SPHKAP: variants seen among roughly 807,000 people sequenced by gnomAD.
SPHKAP encodes the protein A-kinase anchor protein SPHKAP.
Under a neutral mutation model 137.5 loss-of-function variants are expected in SPHKAP, and 67 were observed. The ratio of observed to expected loss-of-function variants is 0.49; its 90% CI spans 0.40 to 0.60. The LOEUF is 0.60. Ranked by LOEUF, SPHKAP falls within the 20% of genes least tolerant of loss-of-function variation. The pLI is 0.00. For synonymous variants in SPHKAP, 813 were observed against 785.3 expected (o/e 1.04, Z -0.59); for missense variants, 2,097 against 2,069.3 (o/e 1.01, Z -0.26).
In SPHKAP at chr2:227,981,614, AATGTG is replaced by A. The variant is rs1326699764; in HGVS notation, c.*98_*102del. ...GCAGATTTTTTTTTATAGTTCTGCT[AATGTG>A]ATGTGATGTTTTGAGAATGTTTAGA... On this transcript the variant is annotated 3_prime_UTR_variant, in exon 12 of 12. Coordinates refer to ENST00000392056, the MANE Select transcript of SPHKAP (RefSeq NM_001142644.2). The A allele has an allele frequency of 9.8e-6, 14 of 1,427,082 alleles. No homozygotes were observed. The East Asian group carries it at 1.7e-4, about 17-fold the overall frequency. 88.4% of individuals were successfully genotyped at this position (1,427,082 alleles called of 1,614,324 possible).
At chr2:228,064,100 T>G (rs1423277628) in intron 3 of SPHKAP, among the ~76,000 whole-genome samples, 1 of 152,116 alleles carries the variant, frequency 6.6e-6, no homozygotes, top group Non-Finnish European at 1.5e-5. Context: ...AGAGATTACT[T>G]AAAGTCAGAA....
chr2:228,020,323 TC>T, intron 6 of SPHKAP, 167 bp from the exon 7 acceptor site: 1 of 441,766 alleles, frequency 2.3e-6, no homozygotes, highest in Non-Finnish European at 3.0e-6. Flanking sequence ...AACCCAAATG[TC>T]CATCAATGAT....
intron 1 of SPHKAP, among the ~76,000 whole-genome samples, chr2:228,145,217 T>C (rs1699740628): frequency 6.6e-6 from 1 of 152,194 alleles, no homozygotes; most frequent in African/African-American, 2.4e-5. Flanking sequence ...AAAGGAATGC[T>C]CTTAAAAGCA....
chr2:228,020,109 G>A lies in SPHKAP; in HGVS notation c.745C>T (p.Leu249=). 7 of 1,612,094 alleles carry A rather than the reference G, an allele frequency of 4.3e-6. No individual in the cohort carries two copies. Among genetic ancestry groups the A allele is most frequent in the Non-Finnish European group, 5.1e-6 (6 of 1,179,538 alleles). ...CATTCCACCTGGGTGGCTCCCTTTA[G>A]CTGTTTACTTTCCAAAACATTGGCT... is the stretch of plus-strand genomic sequence containing the variant. ...VSANVLESKQ[L]KGATQVEWNC... The change falls in exon 7 of 12, where the codon CTA becomes TTA. Residue 249 remains leucine (L), a synonymous_variant. Transcript: ENST00000392056.
chr2:228,073,837 C>T (rs1167576332), intron 3 of SPHKAP, among the ~76,000 whole-genome samples: 1 of 151,762 alleles, frequency 6.6e-6, no homozygotes, highest in East Asian at 1.9e-4. Flanking sequence ...GATTATGTTA[C>T]ATTTACTTCT....
At chr2:228,035,107 G>C (rs13397092) in intron 3 of SPHKAP, among the ~76,000 whole-genome samples, 53,395 of 144,522 alleles carry the variant, frequency 0.37, 10,024 homozygotes, top group Middle Eastern at 0.49. Flanking sequence ...GTTTGCAGAT[G>C]ACATGATTGT....
chr2:228,103,519 G>A (rs563419122), intron 3 of SPHKAP, among the ~76,000 whole-genome samples: 14 of 152,330 alleles, frequency 9.2e-5, no homozygotes, highest in East Asian at 5.8e-4. Context: ...CTCTCAGAGC[G>A]TGGTACTGGC....
At chr2:227,982,123 TC>T in intron 11 of SPHKAP, 2 of 985,184 alleles carry the variant, frequency 2.0e-6, no homozygotes, top group Non-Finnish European at 2.4e-6. Context: ...TGAGACTAAT[TC>T]TTTTTTTTTT....
At chr2:228,138,296 C>T (rs1025698241) in intron 1 of SPHKAP, among the ~76,000 whole-genome samples, 2 of 152,174 alleles carry the variant, frequency 1.3e-5, no homozygotes, top group African/African-American at 2.4e-5. Context: ...AATTTCCACT[C>T]GTCCTTGCTG....
Position 228,036,848 on chromosome 2 carries a change from A to C in SPHKAP, c.247-9305T>G, listed in dbSNP as rs1308497628. On this transcript the variant is annotated intron_variant, in intron 3 of 11. Coordinates refer to ENST00000392056, the MANE Select transcript of SPHKAP (RefSeq NM_001142644.2). ...AATTGAACCATGAGAACACATGGGC[A>C]CAGGAAGGGGAACATCACACTCTGG... Among the ~76,000 whole-genome samples the C allele has an allele frequency of 2.6e-5, 4 of 152,000 alleles. No individual in the cohort carries two copies. In the East Asian group the frequency reaches 7.8e-4, roughly 30 times the overall value.
At chr2:228,142,256 C>T (rs1000524515) in intron 1 of SPHKAP, among the ~76,000 whole-genome samples, 1 of 149,836 alleles carries the variant, frequency 6.7e-6, no homozygotes, top group Non-Finnish European at 1.5e-5. Context: ...GCAGAGTGTA[C>T]ATTTTAAGAA....
At chr2:228,138,800 C>G (rs1478792193) in intron 1 of SPHKAP, among the ~76,000 whole-genome samples, 1 of 152,096 alleles carries the variant, frequency 6.6e-6, no homozygotes, top group East Asian at 1.9e-4. Flanking sequence ...CAAGAAAACC[C>G]CTTATAGTTC....
At chr2:228,031,774 G>C (rs897153873) in intron 3 of SPHKAP, among the ~76,000 whole-genome samples, 2 of 152,272 alleles carry the variant, frequency 1.3e-5, no homozygotes, top group African/African-American at 2.4e-5. Flanking sequence ...AGACAAACAT[G>C]GTCTGGAATG....
intron 1 of SPHKAP, among the ~76,000 whole-genome samples, chr2:228,152,995 C>G (rs1028315711): frequency 6.6e-6 from 1 of 152,126 alleles, no homozygotes; most frequent in African/African-American, 2.4e-5. Context: ...TTAAGTCTCA[C>G]GAGAGCTGAT....
At chr2:228,120,319 A>G (rs1698865895) in intron 2 of SPHKAP, among the ~76,000 whole-genome samples, 1 of 152,168 alleles carries the variant, frequency 6.6e-6, no homozygotes, top group Admixed American at 6.6e-5. Context: ...TTTTTGCAAT[A>G]TATACCTGGT....
At chr2:228,115,609 C>G (rs1349530717) in intron 2 of SPHKAP, among the ~76,000 whole-genome samples, 3 of 152,132 alleles carry the variant, frequency 2.0e-5, no homozygotes, top group Non-Finnish European at 4.4e-5. Flanking sequence ...ATGGATTACT[C>G]TCCAGGTAAT....
chr2:228,062,313 C>G (rs1430769239), intron 3 of SPHKAP, among the ~76,000 whole-genome samples: 1 of 151,976 alleles, frequency 6.6e-6, no homozygotes, highest in Non-Finnish European at 1.5e-5. Context: ...TTAGTACAGA[C>G]AGTGTTTCAC....
rs1472100299 is a variant in SPHKAP at position 228,097,502 on chromosome 2, TA to T, written c.246+11329del. 5.9e-5 allele frequency among the ~76,000 whole-genome samples: 9 copies of T among 152,338 alleles called. No individual in the cohort carries two copies. In the South Asian group the frequency reaches 8.3e-4, roughly 14 times the overall value. The stretch of plus-strand genomic sequence containing the variant: ...TTTTATTTTGGTGAAATGCATCATT[TA>T]TTTTTTTTCAACTTTTATTTTAGGC... On this transcript the variant is annotated intron_variant, in intron 3 of 11. Transcript: ENST00000392056.
At chr2:227,983,307 AAT>A (rs766595990) in intron 11 of SPHKAP, among the ~76,000 whole-genome samples, 8 of 152,204 alleles carry the variant, frequency 5.3e-5, no homozygotes, top group Non-Finnish European at 8.8e-5. Context: ...CAGTTACAGT[AAT>A]CAGTGCTTTA....
Sources: allele counts gnomAD v4.1 joint callset (sites outside exome capture counted in the v4.1 genomes callset), GRCh38; gene constraint gnomAD v4.1.1; transcripts MANE v1.5; gene names NCBI Gene and HGNC (gene_info 2026-07-23, HGNC 2026-07-21).